The following C16orf74 variants were observed in gnomAD, a reference collection of about 807,000 sequenced individuals.
The protein encoded by C16orf74 is calcimembrin, also known as uncharacterized protein C16orf74.
C16orf74 carries 10 observed loss-of-function variants against 6.5 expected under a neutral mutation model. The observed-to-expected ratio is 1.54, with a 90% CI of 0.95 to 2.61. The LOEUF is 2.61. C16orf74 is among the 30% of genes most tolerant of loss of function. The pLI is 0.00. For missense variants in C16orf74, 141 were observed against 105.9 expected (o/e 1.33, Z -1.45); for synonymous variants, 60 against 42.5 (o/e 1.41, Z -1.60).
intron 2 of C16orf74, among the ~76,000 whole-genome samples, chr16:85,715,156 C>CA (rs59013269): frequency 0.011 from 1,348 of 125,448 alleles, 16 homozygotes; most frequent in African/African-American, 0.033. Context: ...GACTCCGTCT[C>CA]AAAAAAAAAA....
chr16:85,737,140 A>G (rs1417696048), intron 1 of C16orf74, among the ~76,000 whole-genome samples: 2 of 152,122 alleles, frequency 1.3e-5, no homozygotes, highest in East Asian at 3.9e-4. Flanking sequence ...CTGGGGACAG[A>G]GGAGAAGTCC....
intron 2 of C16orf74, among the ~76,000 whole-genome samples, chr16:85,714,402 TTA>T (rs2053999888): frequency 2.1e-4 from 8 of 37,274 alleles, no homozygotes; most frequent in East Asian, 1.7e-3. Flanking sequence ...TATTTATTTA[TTA>T]TTTATTTATT....
intron 2 of C16orf74, among the ~76,000 whole-genome samples, chr16:85,712,573 T>C (rs1261822308): frequency 5.3e-5 from 8 of 152,150 alleles, no homozygotes; most frequent in Admixed American, 3.9e-4. Context: ...CACAAAAGCA[T>C]GTACACCTAG....
At chr16:85,709,968 C>T (rs185341246) in intron 3 of C16orf74, among the ~76,000 whole-genome samples, 196 bp downstream of exon 3, 2 of 151,394 alleles carry the variant, frequency 1.3e-5, no homozygotes, top group African/African-American at 4.8e-5. Context: ...CTTAACACGC[C>T]GCGTCGTGCT....
At chr16:85,743,317 T>G (rs1189587770) in intron 1 of C16orf74, 1 of 152,240 alleles carries the variant, frequency 6.6e-6, no homozygotes, top group African/African-American at 2.4e-5. Context: ...CAATATCAGC[T>G]GATAGATATC....
chr16:85,748,150 A>G (rs188010914), intron 1 of C16orf74, among the ~76,000 whole-genome samples: 1,467 of 68,118 alleles, frequency 0.022, 78 homozygotes, highest in Admixed American at 0.18. Flanking sequence ...GTGTGTGTAT[A>G]TATATATATG....
Position 85,708,061 on chromosome 16 carries a change from G to A in C16orf74, c.178C>T (p.Leu60=), listed in dbSNP as rs1331335766. 1.3e-6 allele frequency: 2 copies of A among 1,553,170 alleles called. No homozygotes were observed. Among genetic ancestry groups the A allele is most frequent in the African/African-American group, 1.4e-5 (1 of 73,254 alleles). Residue 60 remains leucine (L), a synonymous_variant, in exon 4 of 4, where the codon CTG becomes TTG. Coordinates refer to ENST00000284245, the MANE Select transcript of C16orf74 (RefSeq NM_206967.3). ...LPRDLGSTVW[L]DETGSCPDDG... ...TCTGGGCACGACCCTGTCTCATCCA[G>A]CCAGACTAGGAGAAAGAGGGGATGG...
chr16:85,739,419 G>A (rs2054279124), intron 1 of C16orf74, among the ~76,000 whole-genome samples: 1 of 152,214 alleles, frequency 6.6e-6, no homozygotes, highest in Non-Finnish European at 1.5e-5. Context: ...GATCTGTACA[G>A]AAGTTCTCAC....
chr16:85,736,270 G>C (rs924851623), intron 1 of C16orf74, among the ~76,000 whole-genome samples: 2 of 152,126 alleles, frequency 1.3e-5, no homozygotes, highest in Non-Finnish European at 2.9e-5. Context: ...TGTGTGGCTA[G>C]TACCTGTGAG....
intron 1 of C16orf74, among the ~76,000 whole-genome samples, chr16:85,740,665 G>T (rs911814285): frequency 6.8e-6 from 1 of 146,374 alleles, no homozygotes; most frequent in African/African-American, 2.5e-5. Flanking sequence ...GCACTCCAGC[G>T]TGGGGCACAG....
chr16:85,714,125 T>C (rs1053731067), intron 2 of C16orf74, among the ~76,000 whole-genome samples: 3 of 152,148 alleles, frequency 2.0e-5, no homozygotes, highest in African/African-American at 7.2e-5. Context: ...CTTCTTGTTT[T>C]CACAGACAAG....
At chr16:85,714,536 C>T (rs888883232) in intron 2 of C16orf74, among the ~76,000 whole-genome samples, 10 of 151,974 alleles carry the variant, frequency 6.6e-5, no homozygotes, top group Admixed American at 2.0e-4. Flanking sequence ...TCTTCTGCCT[C>T]AGCCTCCCTA....
chr16:85,708,735 G>T (rs2053937911), intron 3 of C16orf74, among the ~76,000 whole-genome samples: 1 of 152,232 alleles, frequency 6.6e-6, no homozygotes, highest in Non-Finnish European at 1.5e-5. Context: ...GCCCAACCCA[G>T]AGGGGCCTGA....
chr16:85,725,837 C>G (rs1412371261), intron 2 of C16orf74, among the ~76,000 whole-genome samples: 3 of 152,178 alleles, frequency 2.0e-5, no homozygotes, highest in African/African-American at 7.2e-5. Context: ...CTCCTGACCT[C>G]AAGCAATCTG....
chr16:85,714,011 A>G (rs1384601707), intron 2 of C16orf74, among the ~76,000 whole-genome samples: 1 of 152,130 alleles, frequency 6.6e-6, no homozygotes, highest in African/African-American at 2.4e-5. Context: ...AAATGAACAA[A>G]CATGAGGGTG....
At chr16:85,740,419 GT>G (rs1169924405) in intron 1 of C16orf74, among the ~76,000 whole-genome samples, 1 of 150,304 alleles carries the variant, frequency 6.7e-6, no homozygotes, top group African/African-American at 2.5e-5. Flanking sequence ...TTATCCAGGT[GT>G]GGCCGGGCGC....
chr16:85,748,531 G>A (rs2054399500), intron 1 of C16orf74, among the ~76,000 whole-genome samples: 4 of 152,060 alleles, frequency 2.6e-5, no homozygotes, highest in Admixed American at 2.6e-4. Context: ...CTGGGAGGCG[G>A]AGGTTGCAGT....
intron 1 of C16orf74, among the ~76,000 whole-genome samples, chr16:85,739,218 A>C (rs566199586): frequency 5.1e-4 from 78 of 152,334 alleles, no homozygotes; most frequent in African/African-American, 1.9e-3. Flanking sequence ...TCTGCTGGCC[A>C]GGCTTCCCAA....
intron 2 of C16orf74, among the ~76,000 whole-genome samples, chr16:85,730,099 T>G (rs1052479603): frequency 2.6e-5 from 4 of 151,994 alleles, no homozygotes; most frequent in African/African-American, 4.8e-5. Flanking sequence ...TCAGAGCCCC[T>G]GGGGGAGCTG....
Sources: allele counts gnomAD v4.1 joint callset (sites outside exome capture counted in the v4.1 genomes callset), GRCh38; gene constraint gnomAD v4.1.1; transcripts MANE v1.5; gene names NCBI Gene and HGNC (gene_info 2026-07-23, HGNC 2026-07-21).